Variants in SENP5 observed in about 807,000 individuals in gnomAD.
SENP5 encodes the protein SUMO specific peptidase 5.
In SENP5, 21 loss-of-function variants were observed where a neutral mutation model predicts 74.2. The observed-to-expected ratio is 0.28, with a 90% CI of 0.20 to 0.41. The LOEUF is 0.41. Among genes scored for constraint, SENP5 ranks in the 10% least tolerant of loss-of-function variants. The pLI, the probability that SENP5 is intolerant of heterozygous loss-of-function variation, is 1.00. For synonymous variants in SENP5, 311 were observed against 312.7 expected (o/e 0.99, Z 0.06); for missense variants, 717 against 889.1 (o/e 0.81, Z 2.46).
intron 2 of SENP5, among the ~76,000 whole-genome samples, chr3:196,897,454 G>T (rs73891560): frequency 0.023 from 3,465 of 152,280 alleles, 112 homozygotes; most frequent in African/African-American, 0.077. Flanking sequence ...CAGAATGGAC[G>T]TGAGAAAGGA....
intron 1 of SENP5, among the ~76,000 whole-genome samples, chr3:196,868,773 T>G (rs1452061223): frequency 6.6e-6 from 1 of 152,186 alleles, no homozygotes; most frequent in Non-Finnish European, 1.5e-5. Context: ...AATTATAATG[T>G]TTGGAGAATT....
intron 6 of SENP5, among the ~76,000 whole-genome samples, chr3:196,916,297 A>G (rs1006351742): frequency 2.6e-5 from 4 of 152,118 alleles, no homozygotes; most frequent in African/African-American, 9.7e-5. Context: ...ATTGCACTCA[A>G]GCCTGGGTGA....
At chr3:196,898,393 C>A (rs914670174) in intron 2 of SENP5, among the ~76,000 whole-genome samples, 1 of 150,844 alleles carries the variant, frequency 6.6e-6, no homozygotes, top group Non-Finnish European at 1.5e-5. Flanking sequence ...GCCAGAAGTT[C>A]AAGACCAGCC....
chr3:196,883,205 G>A (rs1577799123), intron 1 of SENP5, among the ~76,000 whole-genome samples: 1 of 152,218 alleles, frequency 6.6e-6, no homozygotes, highest in African/African-American at 2.4e-5. Flanking sequence ...CCTGCCATGT[G>A]GAGTTAAGTA....
chr3:196,905,396 A>C (rs1714862212), intron 6 of SENP5, among the ~76,000 whole-genome samples: 2 of 152,112 alleles, frequency 1.3e-5, no homozygotes, highest in South Asian at 4.1e-4. Flanking sequence ...GCCACGTCCC[A>C]TAGTTTGAGG....
chr3:196,900,426 T>C lies in SENP5; in HGVS notation c.1806+14T>C. 1 of 1,600,280 alleles carries C rather than the reference T, an allele frequency of 6.2e-7. No individual in the cohort carries two copies. Among genetic ancestry groups the C allele is most frequent in the Admixed American group, 1.7e-5 (1 of 58,854 alleles). On this transcript the variant is annotated intron_variant, in intron 5 of 9. Coordinates refer to ENST00000323460, the MANE Select transcript of SENP5 (RefSeq NM_152699.5). ...GTCCCAGACAAAGTAAGTGAAAACT[T>C]CCTCTTCTGCAGGAGAGAGTGTTCT...
In SENP5 at chr3:196,933,560, T is replaced by G. The variant is rs897693352; in HGVS notation, c.*2637T>G. The G allele has an allele frequency of 5.9e-5, 9 of 152,182 alleles. No homozygotes were observed. The highest frequency in any genetic ancestry group is 2.2e-4 in the African/African-American group (9 of 41,416). The allele number at this position is 152,182 out of a possible 1,614,324, so 9.4% of individuals were successfully genotyped here. The stretch of plus-strand genomic sequence containing the variant: ...GCAGGCATGGCTTTACTGGTACTAG[T>G]TTGGCACTGAACTGTTTGGGTGCCC... On this transcript the variant is annotated 3_prime_UTR_variant, in exon 10 of 10. Transcript: ENST00000323460.
intron 6 of SENP5, among the ~76,000 whole-genome samples, chr3:196,906,659 G>A (rs1710874536): frequency 6.6e-6 from 1 of 152,238 alleles, no homozygotes; most frequent in Admixed American, 6.5e-5. Flanking sequence ...GTATCTGGTA[G>A]AAGAATGGGA....
intron 2 of SENP5, among the ~76,000 whole-genome samples, chr3:196,895,723 T>C (rs898445267): frequency 6.6e-6 from 1 of 152,158 alleles, no homozygotes; most frequent in Non-Finnish European, 1.5e-5. Context: ...GGTCTCACTT[T>C]GTTGCCCAGA....
intron 2 of SENP5, among the ~76,000 whole-genome samples, chr3:196,890,803 A>G (rs1448408647): frequency 6.6e-6 from 1 of 152,248 alleles, no homozygotes; most frequent in African/African-American, 2.4e-5. Context: ...GCAAGTGCCA[A>G]TCAGGATTAA....
At chr3:196,927,478 G>A (rs542816760) in intron 7 of SENP5, among the ~76,000 whole-genome samples, 37 of 152,168 alleles carry the variant, frequency 2.4e-4, no homozygotes, top group African/African-American at 8.7e-4. Flanking sequence ...CTGAAATAAA[G>A]TCCCGGCTTT....
rs944347436 is a variant in SENP5 at position 196,932,925 on chromosome 3, C to T, written c.*2002C>T. 1.3e-5 allele frequency: 2 copies of T among 151,286 alleles called. No individual in the cohort carries two copies. Among genetic ancestry groups the T allele is most frequent in the African/African-American group, 4.9e-5 (2 of 41,170 alleles). 9.4% of individuals were successfully genotyped at this position (151,286 alleles called of 1,614,324 possible). A position where few individuals can be genotyped will look rare whatever the true frequency, so the allele number is the denominator to read the frequency against. On this transcript the variant is annotated 3_prime_UTR_variant, in exon 10 of 10. Transcript: ENST00000323460. ...ACGCCGAGAGAGAGCTGCCCAAATCCAGTGACTCTTCCACTTCCAGTCTCA... is the reference window on the plus strand; with the variant it reads ...ACGCCGAGAGAGAGCTGCCCAAATCTAGTGACTCTTCCACTTCCAGTCTCA...
chr3:196,914,647 GT>G, intron 6 of SENP5: 1 of 137,114 alleles, frequency 7.3e-6, no homozygotes, highest in South Asian at 2.5e-4. Flanking sequence ...GTGGGGAGGG[GT>G]TTTATAAGAA....
rs778395139 is a variant in SENP5 at position 196,886,579 on chromosome 3, A to C, written c.1398A>C (p.Pro466=). ...ELLDHPYCKS[P]LEAPLVCSGL... is the part of the protein sequence containing the mutation. ...TGGACCACCCTTACTGTAAAAGTCC[A>C]CTGGAGGCTCCCTTGGTGTGCAGTG... is the stretch of plus-strand genomic sequence containing the variant. Residue 466 remains proline, a synonymous_variant, in exon 2 of 10, where the codon CCA becomes CCC. Transcript: ENST00000323460. 2.5e-6 allele frequency: 4 copies of C among 1,613,840 alleles called. No homozygotes were observed. Among genetic ancestry groups the C allele is most frequent in the Non-Finnish European group, 3.4e-6 (4 of 1,179,970 alleles).
intron 2 of SENP5, among the ~76,000 whole-genome samples, chr3:196,891,072 GATA>G (rs751557366): frequency 6.6e-6 from 1 of 152,068 alleles, no homozygotes; most frequent in Non-Finnish European, 1.5e-5. Context: ...CTGATGAATG[GATA>G]AATAAAATTT....
chr3:196,868,589 G>A (rs748891375), intron 1 of SENP5, among the ~76,000 whole-genome samples: 5 of 152,168 alleles, frequency 3.3e-5, no homozygotes, highest in Non-Finnish European at 5.9e-5. Flanking sequence ...ACGCCCTGTG[G>A]CCACTCTGTC....
At chr3:196,911,940 C>T (rs1277242593) in intron 6 of SENP5, among the ~76,000 whole-genome samples, 3 of 152,166 alleles carry the variant, frequency 2.0e-5, no homozygotes, top group African/African-American at 7.2e-5. Context: ...TAGAAGCTGG[C>T]AAGGCTGTGG....
intron 6 of SENP5, among the ~76,000 whole-genome samples, chr3:196,920,898 C>G (rs1464098497): frequency 6.6e-6 from 1 of 152,118 alleles, no homozygotes; most frequent in Non-Finnish European, 1.5e-5. Context: ...TTGATTAAAG[C>G]AAATCACATG....
chr3:196,907,847 T>C (rs550713669), intron 6 of SENP5, among the ~76,000 whole-genome samples: 1 of 152,136 alleles, frequency 6.6e-6, no homozygotes, highest in African/African-American at 2.4e-5. Context: ...GCCCGTGGGC[T>C]GTGGACTGGA....
Sources: allele counts gnomAD v4.1 joint callset (sites outside exome capture counted in the v4.1 genomes callset), GRCh38; gene constraint gnomAD v4.1.1; transcripts MANE v1.5; gene names NCBI Gene and HGNC (gene_info 2026-07-23, HGNC 2026-07-21).